Variants in EEFSEC observed in about 807,000 individuals in gnomAD.
The protein encoded by EEFSEC is selenocysteine-specific elongation factor.
In EEFSEC, 43 loss-of-function variants were observed where a neutral mutation model predicts 42.1. The observed-to-expected ratio is 1.02, with a 90% CI of 0.80 to 1.32. The LOEUF is 1.32. EEFSEC is among the 40% of genes most tolerant of loss of function. The pLI, the probability that EEFSEC is intolerant of heterozygous loss-of-function variation, is 0.00. For synonymous variants in EEFSEC, 354 were observed against 339.1 expected (o/e 1.04, Z -0.48); for missense variants, 745 against 803.6 (o/e 0.93, Z 0.88).
chr3:128,395,673 G>A (rs575778490), intron 6 of EEFSEC, among the ~76,000 whole-genome samples: 9 of 152,306 alleles, frequency 5.9e-5, no homozygotes, highest in Admixed American at 2.0e-4. Flanking sequence ...GCAATGAGGC[G>A]GTGTCTGTCC....
the EEFSEC span, among the ~76,000 whole-genome samples, chr3:128,422,585 G>GC: frequency 8.5e-5 from 13 of 152,328 alleles, no homozygotes; most frequent in South Asian, 2.7e-3. Flanking sequence ...GGGCCTTGAG[G>GC]CCCCCCGGCT....
intron 4 of EEFSEC, among the ~76,000 whole-genome samples, chr3:128,329,691 G>A (rs931518093): frequency 2.6e-5 from 4 of 152,342 alleles, no homozygotes; most frequent in East Asian, 3.9e-4. Context: ...GGGTGCTGAG[G>A]GCAGTGCTGA....
chr3:128,167,752 C>T (rs1559851511), intron 1 of EEFSEC, among the ~76,000 whole-genome samples: 1 of 152,198 alleles, frequency 6.6e-6, no homozygotes, highest in Non-Finnish European at 1.5e-5. Flanking sequence ...TTTGAGTTAA[C>T]AGGGGTGACC....
chr3:128,236,836 G>A (rs1233360890), intron 1 of EEFSEC, among the ~76,000 whole-genome samples: 4 of 152,208 alleles, frequency 2.6e-5, no homozygotes, highest in Non-Finnish European at 4.4e-5. Flanking sequence ...CAGACAGCTC[G>A]GAGCCTACTT....
intron 6 of EEFSEC, among the ~76,000 whole-genome samples, chr3:128,403,797 C>T (rs1183114254): frequency 1.3e-5 from 2 of 152,202 alleles, no homozygotes; most frequent in Non-Finnish European, 2.9e-5. Flanking sequence ...CATTCCTCCT[C>T]CTCCTCCTCC....
chr3:128,304,250 A>G (rs1235729815), intron 4 of EEFSEC, among the ~76,000 whole-genome samples: 1 of 152,042 alleles, frequency 6.6e-6, no homozygotes, highest in Non-Finnish European at 1.5e-5. Flanking sequence ...AGTTGAATAT[A>G]GATGTAATAT....
At chr3:128,319,728 G>T (rs1459904864) in intron 4 of EEFSEC, among the ~76,000 whole-genome samples, 1 of 152,182 alleles carries the variant, frequency 6.6e-6, no homozygotes. Flanking sequence ...AGGAGGAGAC[G>T]ATCTGAATGC....
At chr3:128,229,292 G>A (rs924190115) in intron 1 of EEFSEC, among the ~76,000 whole-genome samples, 4 of 152,202 alleles carry the variant, frequency 2.6e-5, no homozygotes, top group Non-Finnish European at 5.9e-5. Flanking sequence ...ATCAGCTTTG[G>A]AAGAAGCCAA....
the EEFSEC span, among the ~76,000 whole-genome samples, chr3:128,419,234 TG>T: frequency 1.3e-5 from 2 of 151,996 alleles, no homozygotes; most frequent in Admixed American, 1.3e-4. Flanking sequence ...CGGCTGCTGG[TG>T]GCAGTCCTGC....
intron 4 of EEFSEC, among the ~76,000 whole-genome samples, chr3:128,309,414 C>T (rs952790957): frequency 2.0e-5 from 3 of 152,118 alleles, no homozygotes; most frequent in African/African-American, 4.8e-5. Flanking sequence ...GAGGGGTCAG[C>T]GCACAGAGGC....
Position 128,153,682 on chromosome 3 carries a change from C to T in EEFSEC, c.175C>T (p.Pro59Ser), listed in dbSNP as rs1272476172. 1.9e-6 allele frequency: 3 copies of T among 1,593,606 alleles called. No individual in the cohort carries two copies. Among genetic ancestry groups the T allele is most frequent in the East Asian group, 2.3e-5 (1 of 44,340 alleles). ...LDLGFSCFSV[P>S]LPARLRSSLP... ...TCTGGGCTTCTCGTGCTTCTCGGTG[C>T]CGCTGCCCGCGCGCCTGCGGTCGTC... The change falls in exon 1 of 7, where the codon CCG (proline) becomes TCG (serine). Residue 59 changes from proline to serine, a missense_variant. Coordinates refer to ENST00000254730, the MANE Select transcript of EEFSEC (RefSeq NM_021937.5).
intron 4 of EEFSEC, among the ~76,000 whole-genome samples, chr3:128,287,865 G>A (rs1422969603): frequency 1.3e-5 from 2 of 152,154 alleles, no homozygotes; most frequent in African/African-American, 4.8e-5. Context: ...AATAGTCTAT[G>A]TGCATTCAAG....
intron 1 of EEFSEC, among the ~76,000 whole-genome samples, chr3:128,195,830 G>C (rs2811483): frequency 0.13 from 19,797 of 152,176 alleles, 1,526 homozygotes; most frequent in Admixed American, 0.2. Context: ...TTAGTGATTA[G>C]AGAGCTCTTT....
downstream of EEFSEC, among the ~76,000 whole-genome samples, chr3:128,411,061 C>A (rs999362475): frequency 2.0e-5 from 3 of 152,226 alleles, no homozygotes; most frequent in African/African-American, 4.8e-5. Flanking sequence ...AGGCCTCTAT[C>A]AGGCCCGGCA....
At chr3:128,411,142 C>T (rs1325025650), downstream of EEFSEC, among the ~76,000 whole-genome samples, 2 of 152,228 alleles carry the variant, frequency 1.3e-5, no homozygotes, top group East Asian at 1.9e-4. Context: ...GCAGCCTAGC[C>T]GGGACGGTGG....
intron 1 of EEFSEC, among the ~76,000 whole-genome samples, chr3:128,166,690 A>AG (rs1046052372): frequency 7.2e-5 from 11 of 152,000 alleles, no homozygotes; most frequent in Admixed American, 6.6e-4. Flanking sequence ...TTCCTAGTGA[A>AG]GGACACCTCC....
At chr3:128,404,790 C>A (rs974654439) in intron 6 of EEFSEC, among the ~76,000 whole-genome samples, 1 of 152,220 alleles carries the variant, frequency 6.6e-6, no homozygotes, top group Non-Finnish European at 1.5e-5. Flanking sequence ...TAATGCAGGT[C>A]CCCAAGGCCA....
chr3:128,376,357 C>G (rs2067709931), intron 6 of EEFSEC, among the ~76,000 whole-genome samples: 1 of 152,228 alleles, frequency 6.6e-6, no homozygotes, highest in Non-Finnish European at 1.5e-5. Context: ...ACTGGCATGG[C>G]CTTACCATCA....
At chr3:128,272,611 A>G (rs1399676521) in intron 4 of EEFSEC, among the ~76,000 whole-genome samples, 2 of 152,222 alleles carry the variant, frequency 1.3e-5, no homozygotes, top group Non-Finnish European at 2.9e-5. Flanking sequence ...AGTCAGGGCT[A>G]TCTGTTACTT....
Sources: allele counts gnomAD v4.1 joint callset (sites outside exome capture counted in the v4.1 genomes callset), GRCh38; gene constraint gnomAD v4.1.1; transcripts MANE v1.5; gene names NCBI Gene and HGNC (gene_info 2026-07-23, HGNC 2026-07-21).